Variants in CDK15 observed in about 807,000 individuals in gnomAD.
CDK15 encodes the protein cyclin dependent kinase 15.
In CDK15, 62 loss-of-function variants were observed where a neutral mutation model predicts 60.3. The observed-to-expected ratio is 1.03, with a 90% CI of 0.84 to 1.27. The LOEUF is 1.27. CDK15 is among the 50% of genes most tolerant of loss of function. The pLI, the probability that CDK15 is intolerant of heterozygous loss-of-function variation, is 0.00. For synonymous variants in CDK15, 194 were observed against 195.7 expected (o/e 0.99, Z 0.07); for missense variants, 541 against 527.8 (o/e 1.03, Z -0.25).
At chr2:201,860,760 T>C in intron 10 of CDK15, 1 of 1,352,166 alleles carries the variant, frequency 7.4e-7, no homozygotes, top group East Asian at 4.5e-5. Flanking sequence ...AGAAACAGCA[T>C]GGATGGCATA....
chr2:201,807,037 T>G (rs577932683), intron 1 of CDK15, among the ~76,000 whole-genome samples: 5 of 152,300 alleles, frequency 3.3e-5, no homozygotes, highest in African/African-American at 1.2e-4. Context: ...GAGAAAGTAG[T>G]TCTCTCAAAA....
chr2:201,891,387 G>A (rs1009720355), intron 13 of CDK15, among the ~76,000 whole-genome samples: 7 of 152,196 alleles, frequency 4.6e-5, no homozygotes, highest in Non-Finnish European at 7.3e-5. Context: ...ACTGTTTTCC[G>A]TTAACTAGGG....
At chr2:201,879,657 T>G (rs1255515494) in intron 11 of CDK15, among the ~76,000 whole-genome samples, 1 of 152,168 alleles carries the variant, frequency 6.6e-6, no homozygotes, top group Non-Finnish European at 1.5e-5. Flanking sequence ...GATCGTATTT[T>G]GAATCAGGCC....
intron 3 of CDK15, among the ~76,000 whole-genome samples, chr2:201,812,181 A>AC (rs1336316431): frequency 3.4e-5 from 5 of 145,688 alleles, no homozygotes; most frequent in African/African-American, 1.3e-4. Flanking sequence ...CTCAAAAAAA[A>AC]AAAAAAAAAA....
chr2:201,844,068 G>A (rs1314135671), intron 8 of CDK15, among the ~76,000 whole-genome samples: 2 of 152,056 alleles, frequency 1.3e-5, no homozygotes, highest in Admixed American at 1.3e-4. Context: ...TTTGAAACTT[G>A]TTTAAAATAT....
chr2:201,825,229 G>A (rs1480398703), intron 6 of CDK15, among the ~76,000 whole-genome samples: 1 of 150,070 alleles, frequency 6.7e-6, no homozygotes, highest in Non-Finnish European at 1.5e-5. Flanking sequence ...CAGGAGAATT[G>A]CTTGAACCCA....
Position 201,876,552 on chromosome 2 carries a change from C to T in CDK15, c.1059-3476C>T, listed in dbSNP as rs1471349228. On this transcript the variant is annotated intron_variant, in intron 11 of 13. Coordinates refer to ENST00000652192, the MANE Select transcript of CDK15 (RefSeq NM_001366386.2). Reference sequence around the variant, plus strand: ...GAAGAGACTTCACTTGCCCGCTTTGCCCTGGTGACCACCTCTACCGGCGAA... The same window carrying T: ...GAAGAGACTTCACTTGCCCGCTTTGTCCTGGTGACCACCTCTACCGGCGAA... The T allele has an allele frequency of 2.3e-6, 3 of 1,286,404 alleles. No homozygotes were observed. In the East Asian group the frequency reaches 1.7e-4, roughly 71 times the overall value. The allele number at this position is 1,286,404 out of a possible 1,614,324, so 79.7% of individuals were successfully genotyped here.
At position 201,812,465 on chromosome 2, in the gene CDK15, T is replaced by G; in HGVS notation, c.369-18T>G. ...AACCACCTCAATAAGTGTGTGCCCC[T>G]CAATCCCTCTCTTCTAGAATAAATG... On this transcript the variant is annotated intron_variant, in intron 3 of 13. Coordinates refer to ENST00000652192, the MANE Select transcript of CDK15 (RefSeq NM_001366386.2). 1 of 1,595,986 alleles carries G rather than the reference T, an allele frequency of 6.3e-7. No homozygotes were observed. Among genetic ancestry groups the G allele is most frequent in the Non-Finnish European group, 8.6e-7 (1 of 1,164,798 alleles).
At chr2:201,822,057 A>G (rs760357416) in intron 4 of CDK15, among the ~76,000 whole-genome samples, 1 of 152,102 alleles carries the variant, frequency 6.6e-6, no homozygotes, top group Non-Finnish European at 1.5e-5. Flanking sequence ...AGAAGCTCCA[A>G]AGACACACTT....
At chr2:201,808,005 A>C (rs1695596254) in intron 3 of CDK15, 53 bp downstream of exon 3, 1 of 1,470,636 alleles carries the variant, frequency 6.8e-7, no homozygotes, top group African/African-American at 1.4e-5. Context: ...CCGCCCCCCC[A>C]ATTTCATATT....
At chr2:201,832,878 C>T (rs552108150) in intron 6 of CDK15, among the ~76,000 whole-genome samples, 1 of 152,252 alleles carries the variant, frequency 6.6e-6, no homozygotes, top group Admixed American at 6.5e-5. Context: ...GAATGCTGGG[C>T]CTAGCCCTTC....
At chr2:201,860,315 A>G (rs1300010151) in intron 10 of CDK15, among the ~76,000 whole-genome samples, 3 of 152,238 alleles carry the variant, frequency 2.0e-5, no homozygotes, top group African/African-American at 4.8e-5. Flanking sequence ...GGTCAAGGAC[A>G]GGAGAGGATT....
intron 3 of CDK15, among the ~76,000 whole-genome samples, chr2:201,811,236 C>T (rs1441211661): frequency 2.0e-5 from 3 of 151,526 alleles, no homozygotes; most frequent in African/African-American, 7.3e-5. Context: ...CTGCAAGCTC[C>T]GCCTCCCAGG....
At chr2:201,845,590 A>T (rs1018301058) in intron 8 of CDK15, among the ~76,000 whole-genome samples, 11 of 105,392 alleles carry the variant, frequency 1.0e-4, no homozygotes, top group Non-Finnish European at 2.2e-4. Flanking sequence ...CATCTGTATT[A>T]AAAAAAAAAA....
chr2:201,829,057 T>C (rs150343020), intron 6 of CDK15, among the ~76,000 whole-genome samples: 1 of 152,328 alleles, frequency 6.6e-6, no homozygotes, highest in East Asian at 1.9e-4. Context: ...TTTCACAATA[T>C]CACAGTCGTG....
chr2:201,821,909 G>C (rs1696237276), intron 4 of CDK15, among the ~76,000 whole-genome samples: 1 of 152,134 alleles, frequency 6.6e-6, no homozygotes, highest in Admixed American at 6.5e-5. Flanking sequence ...TCAAACTCCT[G>C]ACCTCAGGTG....
At chr2:201,847,685 C>G (rs1325915696) in intron 9 of CDK15, among the ~76,000 whole-genome samples, 1 of 152,122 alleles carries the variant, frequency 6.6e-6, no homozygotes, top group Non-Finnish European at 1.5e-5. Flanking sequence ...GCCCATGAAT[C>G]CAGCTCACTG....
At chr2:201,878,765 G>A (rs552414432) in intron 11 of CDK15, among the ~76,000 whole-genome samples, 7 of 152,292 alleles carry the variant, frequency 4.6e-5, no homozygotes, top group African/African-American at 1.7e-4. Flanking sequence ...GTTGGGCAAG[G>A]GGTCTCTGCT....
chr2:201,847,985 G>A (rs1016553146), intron 9 of CDK15, among the ~76,000 whole-genome samples: 2 of 152,104 alleles, frequency 1.3e-5, no homozygotes, highest in Admixed American at 1.3e-4. Context: ...AAAATGAGTG[G>A]GCTGTGTGGC....
Sources: gnomAD v4.1 joint callset for allele counts (sites outside exome capture counted in the v4.1 genomes callset) on GRCh38, gnomAD v4.1.1 for gene constraint, MANE v1.5 for transcripts, NCBI Gene and HGNC (gene_info 2026-07-23, HGNC 2026-07-21) for gene names.